Variants in ADCY2 observed in about 807,000 individuals in gnomAD.
ADCY2 encodes adenylate cyclase 2.
A neutral mutation model predicts 125.2 loss-of-function variants in ADCY2; 31 were observed. The ratio of observed to expected loss-of-function variants is 0.25; its 90% CI spans 0.19 to 0.33. The LOEUF (loss-of-function observed/expected upper bound fraction) is 0.33, where lower values mean the gene tolerates loss of function less well. Among genes scored for constraint, ADCY2 ranks in the 10% least tolerant of loss-of-function variants. The pLI is 1.00. For synonymous variants in ADCY2, 512 were observed against 548.4 expected (o/e 0.93, Z 0.93); for missense variants, 904 against 1,418.2 (o/e 0.64, Z 5.82).
intron 3 of ADCY2, among the ~76,000 whole-genome samples, chr5:7,592,388 G>A (rs1418832483): frequency 2.0e-5 from 3 of 152,092 alleles, no homozygotes; most frequent in Non-Finnish European, 4.4e-5. Context: ...ATGAGGAATA[G>A]ATTAAAATAG....
rs551690122 is a variant in ADCY2, at chr5:7,717,257, A to C, written c.1703+20A>C. ...ACAGAAGTGAGTACTTCTTTCTCTT[A>C]AATTATCTTTCATCTTTTATTATGT... On this transcript the variant is annotated intron_variant, in intron 12 of 24. Transcript: ENST00000338316. 3 of 1,537,376 alleles carry C rather than the reference A, an allele frequency of 2.0e-6. No individual in the cohort carries two copies. Among genetic ancestry groups the C allele is most frequent in the Non-Finnish European group, 2.7e-6 (3 of 1,117,366 alleles).
At chr5:7,728,433 TCTC>T (rs1483745159) in intron 14 of ADCY2, among the ~76,000 whole-genome samples, 3 of 152,196 alleles carry the variant, frequency 2.0e-5, no homozygotes, top group Non-Finnish European at 4.4e-5. Context: ...CCAGTAGACT[TCTC>T]CTCTCCCCAT....
intron 14 of ADCY2, among the ~76,000 whole-genome samples, chr5:7,732,937 T>G (rs2126412221): frequency 6.6e-6 from 1 of 152,340 alleles, no homozygotes; most frequent in East Asian, 1.9e-4. Context: ...TTTTTGGAGC[T>G]GCTCTCTCAC....
At chr5:7,754,677 G>T (rs1260191327) in intron 15 of ADCY2, among the ~76,000 whole-genome samples, 1 of 151,248 alleles carries the variant, frequency 6.6e-6, no homozygotes, top group East Asian at 2.0e-4. Context: ...ATTATAGGTT[G>T]GTGCAAAAGT....
chr5:7,435,470 A>G (rs1561024044), intron 2 of ADCY2, among the ~76,000 whole-genome samples: 1 of 152,182 alleles, frequency 6.6e-6, no homozygotes, highest in Non-Finnish European at 1.5e-5. Flanking sequence ...CAAGTTCTAG[A>G]TTCTGTGACC....
intron 2 of ADCY2, among the ~76,000 whole-genome samples, chr5:7,496,221 A>G (rs1478490408): frequency 2.0e-5 from 3 of 152,234 alleles, no homozygotes; most frequent in Admixed American, 6.5e-5. Flanking sequence ...TCTTAGCAAG[A>G]TAAAAAATCA....
rs1457078080 is a variant in ADCY2 at position 7,396,486 on chromosome 5, G to T, written c.190G>T (p.Val64Phe). 2 of 1,566,616 alleles carry T rather than the reference G, an allele frequency of 1.3e-6. No homozygotes were observed. The highest frequency in any genetic ancestry group is 1.4e-5 in the African/African-American group (1 of 70,716). ...VMGSCLALLAVFFALGLEVED... is the reference protein window; with the variant it reads ...VMGSCLALLAFFFALGLEVED... The stretch of plus-strand genomic sequence containing the variant: ...GGGCTCCTGCCTCGCCCTGCTCGCC[G>T]TCTTCTTCGCGCTCGGGCTGGTGAG... Residue 64 changes from valine (V) to phenylalanine (F), a missense_variant, in exon 1 of 25, where the codon GTC (valine) becomes TTC (phenylalanine). Physicochemically the swap from Val to Phe is conservative, Grantham distance 50. Transcript: ENST00000338316. This position sits in a 1 kb window ranked among gnomAD's most constrained non-coding sequence, Gnocchi z 5.7.
At chr5:7,641,011 A>G (rs1738685035) in intron 4 of ADCY2, among the ~76,000 whole-genome samples, 1 of 152,200 alleles carries the variant, frequency 6.6e-6, no homozygotes, top group African/African-American at 2.4e-5. Context: ...CTTTGAGTAG[A>G]GAGATGAGAA....
intron 2 of ADCY2, among the ~76,000 whole-genome samples, chr5:7,451,314 A>G (rs750681371): frequency 1.3e-5 from 2 of 152,226 alleles, no homozygotes; most frequent in Non-Finnish European, 2.9e-5. Flanking sequence ...GGATTTTGGA[A>G]GAAGTTGAGT....
chr5:7,523,784 A>G (rs536574247), intron 3 of ADCY2, among the ~76,000 whole-genome samples: 1 of 152,322 alleles, frequency 6.6e-6, no homozygotes, highest in Admixed American at 6.5e-5. Flanking sequence ...CTGCAGTGTA[A>G]TTGTTGAATG....
chr5:7,697,839 T>C (rs2126327096), intron 6 of ADCY2, among the ~76,000 whole-genome samples: 2 of 152,222 alleles, frequency 1.3e-5, no homozygotes, highest in South Asian at 4.1e-4. Flanking sequence ...GGGAAGGACT[T>C]GAGATTCTAA....
intron 20 of ADCY2, chr5:7,800,017 A>G (rs1026275087): frequency 6.6e-6 from 1 of 152,246 alleles, no homozygotes; most frequent in Admixed American, 6.5e-5. Context: ...GCTACCCCCA[A>G]ACTGAGCAGT....
At chr5:7,549,535 A>T (rs908321625) in intron 3 of ADCY2, among the ~76,000 whole-genome samples, 8 of 152,156 alleles carry the variant, frequency 5.3e-5, no homozygotes, top group Non-Finnish European at 1.2e-4. Context: ...CACCCTCTCA[A>T]ATTTTCTTTG....
At chr5:7,496,231 A>C (rs1743341282) in intron 2 of ADCY2, among the ~76,000 whole-genome samples, 1 of 152,238 alleles carries the variant, frequency 6.6e-6, no homozygotes, top group Non-Finnish European at 1.5e-5. Context: ...ATAAAAAATC[A>C]AAAGGAAATT....
At chr5:7,492,898 T>C (rs116627127) in intron 2 of ADCY2, among the ~76,000 whole-genome samples, 2,093 of 152,216 alleles carry the variant, frequency 0.014, 62 homozygotes, top group African/African-American at 0.049. Flanking sequence ...GTAGTGATGC[T>C]GTGGCTGTGA....
chr5:7,626,948 C>G (rs913107699), intron 4 of ADCY2, among the ~76,000 whole-genome samples: 1 of 152,150 alleles, frequency 6.6e-6, no homozygotes, highest in Non-Finnish European at 1.5e-5. Flanking sequence ...CCAAGGGACC[C>G]AGGATCACCC....
At chr5:7,403,132 C>T (rs1354923542) in intron 1 of ADCY2, among the ~76,000 whole-genome samples, 5 of 150,314 alleles carry the variant, frequency 3.3e-5, no homozygotes, top group East Asian at 1.9e-4. Context: ...TGTATATGTG[C>T]GTGTGTGTGT....
At chr5:7,781,633 T>G (rs563871530) in intron 18 of ADCY2, among the ~76,000 whole-genome samples, 1 of 152,338 alleles carries the variant, frequency 6.6e-6, no homozygotes, top group East Asian at 1.9e-4. Flanking sequence ...ACTGTCAGAC[T>G]TCTAGCCCCC....
chr5:7,705,879 T>C (rs1741251332), intron 7 of ADCY2, among the ~76,000 whole-genome samples: 1 of 152,218 alleles, frequency 6.6e-6, no homozygotes. Context: ...TATCATTATA[T>C]CATTTAAGCA....
Sources: allele counts gnomAD v4.1 joint callset (sites outside exome capture counted in the v4.1 genomes callset), GRCh38; gene constraint gnomAD v4.1.1; non-coding constraint Gnocchi (gnomAD v3.1); transcripts MANE v1.5; gene names NCBI Gene and HGNC (gene_info 2026-07-23, HGNC 2026-07-21).